The following ALG6 variants were observed in gnomAD, a reference collection of about 807,000 sequenced individuals.
ALG6 encodes the protein dolichyl pyrophosphate Man9GlcNAc2 alpha-1,3-glucosyltransferase.
A neutral mutation model predicts 66.6 loss-of-function variants in ALG6; 46 were observed. The ratio of observed to expected loss-of-function variants is 0.69; its 90% CI spans 0.55 to 0.88. The LOEUF (loss-of-function observed/expected upper bound fraction) is 0.88, where lower values mean the gene tolerates loss of function less well. Ranked by LOEUF, ALG6 falls within the 40% of genes least tolerant of loss-of-function variation. The pLI is 0.00. For synonymous variants in ALG6, 185 were observed against 203.7 expected, an observed-to-expected ratio of 0.91 and a Z score of 0.78; for missense variants, 505 against 586.8, an observed-to-expected ratio of 0.86 and a Z score of 1.44.
At chr1:63,421,464 A>G (rs1353836915) in intron 12 of ALG6, among the ~76,000 whole-genome samples, 1 of 152,208 alleles carries the variant, frequency 6.6e-6, no homozygotes, top group African/African-American at 2.4e-5. Context: ...CAGCAATCCC[A>G]TTACTGAGTA....
intron 12 of ALG6, 71 bp downstream of exon 12, chr1:63,419,511 C>T (rs1204696281): frequency 1.9e-6 from 2 of 1,079,744 alleles, no homozygotes; most frequent in African/African-American, 1.6e-5. Context: ...TACAAATATA[C>T]ATTTGAATGC....
intron 2 of ALG6, among the ~76,000 whole-genome samples, chr1:63,394,870 CTT>C (rs754695008): frequency 2.2e-4 from 30 of 139,340 alleles, no homozygotes; most frequent in Admixed American, 3.6e-4. Context: ...TATTTCTTTT[CTT>C]TTTTTTTTTT....
rs61459864 is a variant in ALG6, at chr1:63,400,337, G to A, written c.168-1917G>A. On this transcript the variant is annotated intron_variant, in intron 3 of 14. Transcript: ENST00000263440. ...TATATATACGTATATATATATATAC[G>A]TATATATATATGTATATATATATGT... Among the ~76,000 whole-genome samples, 9 of 5,742 alleles carry A rather than the reference G, an allele frequency of 1.6e-3. 1 individual carries two copies. The highest frequency in any genetic ancestry group is 2.3e-3 in the Non-Finnish European group (9 of 3,912). 3.8% of individuals were successfully genotyped at this position (5,742 alleles called of 152,430 possible).
At chr1:63,385,181 CTTCTTTTTTTTTT>C (rs1185506054) in intron 2 of ALG6, among the ~76,000 whole-genome samples, 3 of 70,966 alleles carry the variant, frequency 4.2e-5, no homozygotes, top group African/African-American at 5.3e-5. Flanking sequence ...TCTTTTACTT[CTTCTTTTTTTTTT>C]TTTTTTTTTT....
chr1:63,422,603 G>T (rs970113119), intron 12 of ALG6, among the ~76,000 whole-genome samples: 1 of 151,186 alleles, frequency 6.6e-6, no homozygotes, highest in Admixed American at 6.6e-5. Flanking sequence ...AGTCACTGGT[G>T]ACTTTGGTGG....
chr1:63,380,719 A>G (rs371586567), intron 2 of ALG6, among the ~76,000 whole-genome samples: 6 of 152,172 alleles, frequency 3.9e-5, no homozygotes, highest in African/African-American at 1.4e-4. Context: ...TCAGGAGGGG[A>G]CAATTCATCC....
chr1:63,376,041 C>T (rs540152873), intron 2 of ALG6, among the ~76,000 whole-genome samples: 198 of 152,168 alleles, frequency 1.3e-3, no homozygotes, highest in South Asian at 4.6e-3. Context: ...TACAGTCATG[C>T]ATTGTTTAAT....
At chr1:63,381,432 C>A (rs1371750328) in intron 2 of ALG6, among the ~76,000 whole-genome samples, 1 of 151,920 alleles carries the variant, frequency 6.6e-6, no homozygotes, top group Non-Finnish European at 1.5e-5. Flanking sequence ...CCAGCCTGGG[C>A]GACAGAGCGA....
At chr1:63,375,120 G>C (rs528051536) in intron 2 of ALG6, among the ~76,000 whole-genome samples, 1 of 152,096 alleles carries the variant, frequency 6.6e-6, no homozygotes, top group Non-Finnish European at 1.5e-5. Flanking sequence ...TGGATTGCTT[G>C]AACCCGGGAG....
At chr1:63,400,526 T>G (rs1644459987) in intron 3 of ALG6, among the ~76,000 whole-genome samples, 1 of 151,458 alleles carries the variant, frequency 6.6e-6, no homozygotes, top group Admixed American at 6.6e-5. Context: ...AGCACTGTTA[T>G]AAATCCTATA....
intron 2 of ALG6, among the ~76,000 whole-genome samples, chr1:63,376,511 T>C (rs770029442): frequency 1.3e-5 from 2 of 152,248 alleles, no homozygotes; most frequent in African/African-American, 2.4e-5. Flanking sequence ...ATTTAAGCTA[T>C]ACATTTTCTT....
chr1:63,371,596 T>C (rs1469042283), intron 2 of ALG6, among the ~76,000 whole-genome samples: 1 of 149,572 alleles, frequency 6.7e-6, no homozygotes, highest in Non-Finnish European at 1.5e-5. Context: ...CCACATTTTA[T>C]TTTATTTTAT....
At chr1:63,413,355 T>C (rs557305047) in intron 9 of ALG6, among the ~76,000 whole-genome samples, 1 of 152,322 alleles carries the variant, frequency 6.6e-6, no homozygotes, top group Non-Finnish European at 1.5e-5. Context: ...TAAAAATGAG[T>C]ATCAGACATG....
intron 2 of ALG6, among the ~76,000 whole-genome samples, chr1:63,395,839 T>A (rs1355780003): frequency 1.3e-5 from 2 of 152,200 alleles, no homozygotes; most frequent in African/African-American, 4.8e-5. Flanking sequence ...ATCCATGGAT[T>A]CTATATCTGT....
intron 2 of ALG6, among the ~76,000 whole-genome samples, chr1:63,374,962 C>T (rs535158472): frequency 1.4e-4 from 22 of 152,230 alleles, no homozygotes; most frequent in African/African-American, 3.1e-4. Context: ...GTAATTCTAG[C>T]GCTTTGGGAG....
At chr1:63,423,126 C>T (rs573481214) in intron 12 of ALG6, among the ~76,000 whole-genome samples, 29 of 150,726 alleles carry the variant, frequency 1.9e-4, no homozygotes, top group Non-Finnish European at 3.1e-4. Flanking sequence ...CGGGTTCAAG[C>T]GATTCTCCCA....
At chr1:63,376,488 C>T (rs940477046) in intron 2 of ALG6, among the ~76,000 whole-genome samples, 3 of 152,166 alleles carry the variant, frequency 2.0e-5, no homozygotes, top group Non-Finnish European at 2.9e-5. Context: ...GTTTCAGTCT[C>T]TGTAACACTA....
rs934211570 is a variant in ALG6 at position 63,437,431 on chromosome 1, CCTT to C, written c.*415_*417del. On this transcript the variant is annotated 3_prime_UTR_variant, in exon 15 of 15. Coordinates refer to ENST00000263440, the MANE Select transcript of ALG6 (RefSeq NM_013339.4). Reference sequence around the variant, plus strand: ...GTGAGCTTCATGGGAGAATTGAGCCCCTTCTTTTTAATGGAAATCACTAATTTT... The same window carrying C: ...GTGAGCTTCATGGGAGAATTGAGCCCCTTTTTAATGGAAATCACTAATTTT... 8 of 170,546 alleles carry C rather than the reference CCTT, an allele frequency of 4.7e-5. No individual in the cohort carries two copies. Among genetic ancestry groups the C allele is most frequent in the Admixed American group, 4.1e-4 (7 of 17,118 alleles). 10.6% of individuals were successfully genotyped at this position (170,546 alleles called of 1,614,324 possible). A position where few individuals can be genotyped will look rare whatever the true frequency, so the allele number is the denominator to read the frequency against.
Position 63,411,125 on chromosome 1 carries a change from A to G in ALG6, c.495-21A>G, listed in dbSNP as rs774041096. 6 of 1,611,966 alleles carry G rather than the reference A, an allele frequency of 3.7e-6. No individual in the cohort carries two copies. The Admixed American group carries it at 6.7e-5, about 18-fold the overall frequency. Reference sequence around the variant, plus strand: ...ATCTTTTTAAAAGATTATTGAGATAATTTCCTTGACACAGGAACATATATA... The same window carrying G: ...ATCTTTTTAAAAGATTATTGAGATAGTTTCCTTGACACAGGAACATATATA... On this transcript the variant is annotated intron_variant, in intron 7 of 14. Coordinates refer to ENST00000263440, the MANE Select transcript of ALG6 (RefSeq NM_013339.4).
Sources: gnomAD v4.1 joint callset for allele counts (sites outside exome capture counted in the v4.1 genomes callset) on GRCh38, gnomAD v4.1.1 for gene constraint, MANE v1.5 for transcripts, NCBI Gene and HGNC (gene_info 2026-07-23, HGNC 2026-07-21) for gene names.